Variants in ACOXL observed in about 807,000 individuals in gnomAD.
ACOXL encodes acyl-CoA oxidase like, also known as acyl-coenzyme A oxidase-like protein.
ACOXL carries 70 observed loss-of-function variants against 71.9 expected under a neutral mutation model. That is an observed-to-expected ratio of 0.97 (90% CI 0.80 to 1.19). ACOXL has a LOEUF of 1.19. Among genes scored for constraint, ACOXL ranks in the 50% most tolerant of loss-of-function variants. The probability of loss-of-function intolerance (pLI) is 0.00; values close to 1 mark genes in which losing one functional copy is unlikely to be tolerated. For synonymous variants in ACOXL, 253 were observed against 281.6 expected (o/e 0.90, Z 1.02); for missense variants, 703 against 736.3 (o/e 0.95, Z 0.52).
chr2:111,059,060 A>G (rs1399507506), intron 16 of ACOXL, among the ~76,000 whole-genome samples: 1 of 152,156 alleles, frequency 6.6e-6, no homozygotes, highest in East Asian at 1.9e-4. Context: ...GGCAACATAG[A>G]TCTCTACAAA....
intron 7 of ACOXL, among the ~76,000 whole-genome samples, chr2:110,801,234 AAGG>A (rs1047279056): frequency 7.0e-4 from 107 of 152,224 alleles, no homozygotes; most frequent in African/African-American, 2.5e-3. Context: ...GAGCACTGGG[AAGG>A]AGGAGGGATT....
intron 12 of ACOXL, chr2:110,968,131 T>C: frequency 7.5e-7 from 1 of 1,341,042 alleles, no homozygotes; most frequent in Non-Finnish European, 1.1e-6. Flanking sequence ...TGCAGAGTAT[T>C]GTACTGGCCT....
At position 110,925,892 on chromosome 2, in the gene ACOXL, C is replaced by T. The variant is rs891705118; in HGVS notation, c.906-7597C>T. Among the ~76,000 whole-genome samples the T allele has an allele frequency of 4.1e-5, 5 of 121,484 alleles. No individual in the cohort carries two copies. In the Admixed American group the frequency reaches 5.2e-4, roughly 13 times the overall value. 79.7% of individuals were successfully genotyped at this position (121,484 alleles called of 152,430 possible). The stretch of plus-strand genomic sequence containing the variant: ...TTTTTTTTAAAGCATTTCTAGCTTT[C>T]GATCTAGAAAGACATATGACTCTTC... On this transcript the variant is annotated intron_variant, in intron 11 of 17. Coordinates refer to ENST00000439055, the MANE Select transcript of ACOXL (RefSeq NM_001142807.4).
rs919804438 is a variant in ACOXL at position 110,881,888 on chromosome 2, T to G, written c.789-26901T>G. On this transcript the variant is annotated intron_variant, in intron 10 of 17. Coordinates refer to ENST00000439055, the MANE Select transcript of ACOXL (RefSeq NM_001142807.4). Reference sequence around the variant, plus strand: ...GTTTACCCCTTTACCTGAGGGACATTGGGTTTTTTTTTTATTGGGGAGCTG... The same window carrying G: ...GTTTACCCCTTTACCTGAGGGACATGGGGTTTTTTTTTTATTGGGGAGCTG... Among the ~76,000 whole-genome samples, 30 of 134,460 alleles carry G rather than the reference T, an allele frequency of 2.2e-4. 2 individuals are homozygous for G. Among genetic ancestry groups the G allele is most frequent in the Non-Finnish European group, 1.7e-5 (1 of 59,538 alleles). The allele number at this position is 134,460 out of a possible 152,430, so 88.2% of individuals were successfully genotyped here. A position where few individuals can be genotyped will look rare whatever the true frequency, so the allele number is the denominator to read the frequency against.
intron 2 of ACOXL, among the ~76,000 whole-genome samples, chr2:110,783,082 G>A (rs975384715): frequency 2.6e-5 from 4 of 152,140 alleles, no homozygotes; most frequent in East Asian, 3.9e-4. Flanking sequence ...CTGAAGCTCC[G>A]GATTCTGATA....
At chr2:110,757,406 G>T (rs80340344) in intron 1 of ACOXL, among the ~76,000 whole-genome samples, 7 of 152,116 alleles carry the variant, frequency 4.6e-5, no homozygotes, top group African/African-American at 1.7e-4. Context: ...ATTCCTTTGG[G>T]TATATACCCA....
chr2:110,817,854 G>C (rs1688092088), intron 9 of ACOXL, among the ~76,000 whole-genome samples: 1 of 151,986 alleles, frequency 6.6e-6, no homozygotes, highest in Non-Finnish European at 1.5e-5. Context: ...TGAATAAATA[G>C]CTGATGGTGT....
chr2:110,870,719 T>A (rs1695170924), intron 10 of ACOXL, among the ~76,000 whole-genome samples: 1 of 152,186 alleles, frequency 6.6e-6, no homozygotes, highest in South Asian at 2.1e-4. Flanking sequence ...CACCTGTGGG[T>A]GACTCTGAAA....
intron 10 of ACOXL, among the ~76,000 whole-genome samples, chr2:110,891,916 A>G (rs937618404): frequency 7.9e-5 from 12 of 151,888 alleles, no homozygotes; most frequent in African/African-American, 2.4e-4. Flanking sequence ...GCCTTTTTGA[A>G]ATGCATTCAC....
intron 16 of ACOXL, among the ~76,000 whole-genome samples, chr2:111,058,700 A>G (rs2066662765): frequency 6.6e-6 from 1 of 152,220 alleles, no homozygotes; most frequent in African/African-American, 2.4e-5. Flanking sequence ...GAGATGGGGA[A>G]AAAGAAAAAT....
At chr2:110,881,078 A>G (rs528237510) in intron 10 of ACOXL, among the ~76,000 whole-genome samples, 5 of 152,002 alleles carry the variant, frequency 3.3e-5, no homozygotes, top group African/African-American at 2.4e-5. Flanking sequence ...TTTCTAATAT[A>G]TTTTTTCCAA....
intron 1 of ACOXL, among the ~76,000 whole-genome samples, chr2:110,741,320 G>A: frequency 6.6e-6 from 1 of 152,174 alleles, no homozygotes; most frequent in Non-Finnish European, 1.5e-5. Flanking sequence ...GGCAGGGTTG[G>A]TTGCTTCTGA....
At chr2:111,031,540 AT>A (rs1303005366) in intron 14 of ACOXL, 86 bp from the exon 15 acceptor site, 1 of 1,244,038 alleles carries the variant, frequency 8.0e-7, no homozygotes, top group African/African-American at 1.5e-5. Context: ...AGTACTGAAA[AT>A]TTGGATGTTT....
At chr2:111,089,926 AG>A (rs1378287238) in intron 16 of ACOXL, among the ~76,000 whole-genome samples, 1 of 152,216 alleles carries the variant, frequency 6.6e-6, no homozygotes, top group Non-Finnish European at 1.5e-5. Flanking sequence ...CATCCAGACT[AG>A]GCCACCAGTT....
At chr2:111,103,424 G>A (rs1010825346) in intron 17 of ACOXL, among the ~76,000 whole-genome samples, 27 of 152,312 alleles carry the variant, frequency 1.8e-4, no homozygotes, top group African/African-American at 6.5e-4. Flanking sequence ...GGAAATTAAG[G>A]ACTCTTTGCA....
intron 17 of ACOXL, among the ~76,000 whole-genome samples, chr2:111,112,298 A>G (rs2070039163): frequency 6.6e-6 from 1 of 152,254 alleles, no homozygotes; most frequent in African/African-American, 2.4e-5. Context: ...GCACCAAGCT[A>G]AGGTCTGACC....
intron 12 of ACOXL, among the ~76,000 whole-genome samples, chr2:110,958,465 A>G (rs1388768758): frequency 6.6e-6 from 1 of 152,206 alleles, no homozygotes; most frequent in African/African-American, 2.4e-5. Context: ...TGGGAAGGAC[A>G]GGGATGAGGT....
intron 12 of ACOXL, among the ~76,000 whole-genome samples, chr2:110,983,337 G>A (rs2062796855): frequency 6.6e-6 from 1 of 152,218 alleles, no homozygotes; most frequent in Non-Finnish European, 1.5e-5. Context: ...TAATCATGTT[G>A]CATGATGTAT....
intron 17 of ACOXL, among the ~76,000 whole-genome samples, chr2:111,116,564 T>C (rs533389934): frequency 6.6e-6 from 1 of 152,248 alleles, no homozygotes; most frequent in East Asian, 1.9e-4. Flanking sequence ...ACAACATCAG[T>C]GCGGCTCAGA....
Sources: gnomAD v4.1 joint callset for allele counts (sites outside exome capture counted in the v4.1 genomes callset) on GRCh38, gnomAD v4.1.1 for gene constraint, MANE v1.5 for transcripts, NCBI Gene and HGNC (gene_info 2026-07-23, HGNC 2026-07-21) for gene names.